RPS6KC1: variants seen among roughly 807,000 people sequenced by gnomAD.
RPS6KC1 encodes the protein inactive ribosomal protein S6 kinase delta-1.
In RPS6KC1, 54 loss-of-function variants were observed where a neutral mutation model predicts 103.8. The observed-to-expected ratio is 0.52, with a 90% CI of 0.42 to 0.65. RPS6KC1 has a LOEUF of 0.65. Among genes scored for constraint, RPS6KC1 ranks in the 30% least tolerant of loss-of-function variants. The pLI is 0.00. For missense variants in RPS6KC1, 1,151 were observed against 1,253.8 expected, an observed-to-expected ratio of 0.92 and a Z score of 1.24; for synonymous variants, 439 against 438.7, an observed-to-expected ratio of 1.00 and a Z score of -0.01.
the RPS6KC1 span, among the ~76,000 whole-genome samples, chr1:213,438,659 C>CCTATTTT: frequency 6.6e-5 from 10 of 152,240 alleles, no homozygotes; most frequent in African/African-American, 2.4e-4. Context: ...CCATTTAATA[C>CCTATTTT]CTATTTTCTA....
chr1:213,083,121 T>C (rs1168695079), intron 3 of RPS6KC1, among the ~76,000 whole-genome samples: 1 of 152,076 alleles, frequency 6.6e-6, no homozygotes, highest in African/African-American at 2.4e-5. Flanking sequence ...TGCAGAAACA[T>C]TGTTAGCTTG....
chr1:213,159,968 C>G (rs1028260229), intron 6 of RPS6KC1, among the ~76,000 whole-genome samples: 2 of 152,166 alleles, frequency 1.3e-5, no homozygotes, highest in African/African-American at 4.8e-5. Context: ...TATTTTAGTT[C>G]TGACAGGTTA....
intron 2 of RPS6KC1, among the ~76,000 whole-genome samples, chr1:213,076,822 A>G (rs957402492): frequency 1.3e-5 from 2 of 151,928 alleles, no homozygotes; most frequent in African/African-American, 4.8e-5. Context: ...ATGAAAGTCC[A>G]TGTTAATTGC....
the RPS6KC1 span, among the ~76,000 whole-genome samples, chr1:213,407,472 G>C: frequency 4.8e-3 from 724 of 152,318 alleles, 8 homozygotes; most frequent in African/African-American, 0.016. Context: ...CCACAATTTG[G>C]AAGGGGCTTA....
At chr1:213,127,257 A>G (rs1366351024) in intron 5 of RPS6KC1, among the ~76,000 whole-genome samples, 1 of 152,196 alleles carries the variant, frequency 6.6e-6, no homozygotes, top group African/African-American at 2.4e-5. Flanking sequence ...TGCAAAAGCC[A>G]TGGTAGGTGA....
the RPS6KC1 span, among the ~76,000 whole-genome samples, chr1:213,724,195 C>G: frequency 1.3e-5 from 2 of 152,156 alleles, no homozygotes; most frequent in African/African-American, 4.8e-5. Context: ...TGAAGTGATC[C>G]TCCTGCCTCA....
chr1:213,662,145 T>C, the RPS6KC1 span, among the ~76,000 whole-genome samples: 1 of 151,968 alleles, frequency 6.6e-6, no homozygotes, highest in Non-Finnish European at 1.5e-5. Context: ...TTTAAAGGAA[T>C]AAATAGTTTC....
At chr1:213,239,335 GAA>G (rs1024356771) in intron 10 of RPS6KC1, among the ~76,000 whole-genome samples, 1 of 140,336 alleles carries the variant, frequency 7.1e-6, no homozygotes, top group African/African-American at 2.6e-5. Context: ...GAGACTCTAA[GAA>G]AAAAAAAAAA....
chr1:213,731,159 G>A, the RPS6KC1 span, among the ~76,000 whole-genome samples: 1 of 152,168 alleles, frequency 6.6e-6, no homozygotes, highest in Non-Finnish European at 1.5e-5. Context: ...TAGCCCTGTA[G>A]TATAGTTTGA....
At chr1:213,552,950 C>T in the RPS6KC1 span, among the ~76,000 whole-genome samples, 1 of 152,116 alleles carries the variant, frequency 6.6e-6, no homozygotes, top group Non-Finnish European at 1.5e-5. Flanking sequence ...CAGTATGGTA[C>T]CCCATAATGG....
At chr1:213,353,194 T>A in the RPS6KC1 span, among the ~76,000 whole-genome samples, 2 of 152,256 alleles carry the variant, frequency 1.3e-5, no homozygotes, top group African/African-American at 4.8e-5. Context: ...GAGCAATGCT[T>A]GGCCCAGAGT....
At chr1:213,357,456 C>T in the RPS6KC1 span, among the ~76,000 whole-genome samples, 1,320 of 152,310 alleles carry the variant, frequency 8.7e-3, 15 homozygotes, top group Non-Finnish European at 0.014. Context: ...CTGTGGATTG[C>T]AGAATCACGA....
the RPS6KC1 span, among the ~76,000 whole-genome samples, chr1:213,504,626 CACTT>C: frequency 6.6e-6 from 1 of 152,312 alleles, no homozygotes; most frequent in South Asian, 2.1e-4. Flanking sequence ...GAAAATGTAA[CACTT>C]ACTTAACAGT....
chr1:213,218,797 C>A (rs534363183), intron 8 of RPS6KC1, among the ~76,000 whole-genome samples: 1 of 152,246 alleles, frequency 6.6e-6, no homozygotes, highest in African/African-American at 2.4e-5. Context: ...ATAAATGGTG[C>A]TGGGAAAACT....
the RPS6KC1 span, among the ~76,000 whole-genome samples, chr1:213,509,914 A>G: frequency 6.6e-6 from 1 of 152,134 alleles, no homozygotes; most frequent in Non-Finnish European, 1.5e-5. Context: ...TTTCTTTTTC[A>G]TTGAATGAAG....
At chr1:213,682,452 T>C in the RPS6KC1 span, among the ~76,000 whole-genome samples, 1 of 152,182 alleles carries the variant, frequency 6.6e-6, no homozygotes, top group African/African-American at 2.4e-5. Context: ...GAAATGATAA[T>C]GCAGTACTTA....
intron 2 of RPS6KC1, chr1:213,072,961 G>C (rs2079014336): frequency 1.1e-6 from 1 of 940,750 alleles, no homozygotes; most frequent in African/African-American, 1.8e-5. Context: ...AACAACTGTT[G>C]GTGAACCATT....
At position 213,242,556 on chromosome 1, in the gene RPS6KC1, GTTT is replaced by G; in HGVS notation, c.2822-11_2822-9del. Reference sequence around the variant, plus strand: ...GAAAAATGTTTTGATTTCTCCTGTCGTTTTGTTTTTAGGACACATTCAGCTAAC... The same window carrying G: ...GAAAAATGTTTTGATTTCTCCTGTCGTGTTTTTAGGACACATTCAGCTAAC... On this transcript the variant is annotated splice_polypyrimidine_tract_variant and intron_variant, in intron 11 of 14. Transcript: ENST00000366960. 6.2e-7 allele frequency: 1 copy of G among 1,603,230 alleles called. No individual in the cohort carries two copies. The highest frequency in any genetic ancestry group is 8.5e-7 in the Non-Finnish European group (1 of 1,171,382).
chr1:213,151,243 ACGGGGCGGC>A (rs2088808685), intron 6 of RPS6KC1, among the ~76,000 whole-genome samples: 2 of 109,788 alleles, frequency 1.8e-5, no homozygotes, highest in African/African-American at 3.6e-5. Flanking sequence ...TCCCTCCCGG[ACGGGGCGGC>A]TGGCCGGGCA....
Sources: allele counts gnomAD v4.1 joint callset (sites outside exome capture counted in the v4.1 genomes callset), GRCh38; gene constraint gnomAD v4.1.1; transcripts MANE v1.5; gene names NCBI Gene and HGNC (gene_info 2026-07-23, HGNC 2026-07-21).